RNF182: variants seen among roughly 807,000 people sequenced by gnomAD.
RNF182 encodes the protein E3 ubiquitin-protein ligase RNF182.
Under a neutral mutation model 14.4 loss-of-function variants are expected in RNF182, and 15 were observed. The ratio of observed to expected loss-of-function variants is 1.04; its 90% CI spans 0.70 to 1.60. The LOEUF (loss-of-function observed/expected upper bound fraction) is 1.60. Among genes scored for constraint, RNF182 ranks in the 40% most tolerant of loss-of-function variants. The probability of loss-of-function intolerance (pLI) is 0.00; values close to 1 mark genes in which losing one functional copy is unlikely to be tolerated. For missense variants in RNF182, 268 were observed against 294.8 expected, an observed-to-expected ratio of 0.91 and a Z score of 0.67; for synonymous variants, 128 against 122.9, an observed-to-expected ratio of 1.04 and a Z score of -0.27.
At position 13,977,680 on chromosome 6, in the gene RNF182, G is replaced by C; in HGVS notation, c.561G>C (p.Trp187Cys). ...AGACATCCATCCGGGTGTTAGTGTG[G>C]TTGCTAGGTTTGCTCTACTTCAGCT... ...LFQTSIRVLV[W>C]LLGLLYFSSL... The change falls in exon 3 of 3, where the codon TGG (tryptophan) becomes TGC (cysteine). Residue 187 changes from tryptophan to cysteine, a missense_variant. Transcript: ENST00000488300. 6.2e-7 allele frequency: 1 copy of C among 1,614,160 alleles called. No individual in the cohort carries two copies. The highest frequency in any genetic ancestry group is 8.5e-7 in the Non-Finnish European group (1 of 1,180,010).
chr6:13,977,652 T>TG lies in RNF182; in HGVS notation c.533_534insG (p.Phe178LeufsTer30). 3 of 1,614,222 alleles carry TG rather than the reference T, an allele frequency of 1.9e-6. No homozygotes were observed. The highest frequency in any genetic ancestry group is 1.7e-6 in the Non-Finnish European group (2 of 1,180,026). ...GTGTGGAACTGCACGTCCCTGCTGT[T>TG]TCAGACATCCATCCGGGTGTTAGTG... On this transcript the variant is annotated frameshift_variant, in exon 3 of 3. Transcript: ENST00000488300. LOFTEE classifies it high-confidence loss of function.
intron 1 of RNF182, chr6:13,925,268 A>G (rs1440710273): frequency 6.6e-6 from 1 of 151,088 alleles, no homozygotes; most frequent in Admixed American, 6.6e-5. Flanking sequence ...GCGGCTGCGG[A>G]GCGCCCGCGC....
intron 1 of RNF182, among the ~76,000 whole-genome samples, chr6:13,928,987 G>C (rs561787240): frequency 6.6e-6 from 1 of 152,080 alleles, no homozygotes; most frequent in South Asian, 2.1e-4. Flanking sequence ...GATTACCTGA[G>C]GTCTTTACCT....
intron 1 of RNF182, among the ~76,000 whole-genome samples, chr6:13,946,612 C>T (rs975091427): frequency 6.6e-6 from 1 of 152,104 alleles, no homozygotes; most frequent in Non-Finnish European, 1.5e-5. Context: ...TGTAAATATC[C>T]TATGACTAAA....
chr6:13,946,124 T>C (rs78057130), intron 1 of RNF182, among the ~76,000 whole-genome samples: 1,916 of 142,924 alleles, frequency 0.013, 38 homozygotes, highest in African/African-American at 0.048. Context: ...GAATCTGTAT[T>C]ATCTTTAAAG....
chr6:13,973,205 A>G (rs926847768), intron 1 of RNF182, among the ~76,000 whole-genome samples: 6 of 152,138 alleles, frequency 3.9e-5, no homozygotes, highest in Non-Finnish European at 8.8e-5. Flanking sequence ...GAATGGGTGT[A>G]TTTATCCAAT....
chr6:13,939,227 TGTCA>T (rs1759221521), intron 1 of RNF182, among the ~76,000 whole-genome samples: 1 of 152,244 alleles, frequency 6.6e-6, no homozygotes, highest in Admixed American at 6.5e-5. Context: ...AGTATCATCC[TGTCA>T]GTTTCCACAA....
In RNF182 at chr6:13,977,024, G is replaced by C. The variant is rs1760343952; in HGVS notation, c.-96G>C. On this transcript the variant is annotated 5_prime_UTR_variant, in exon 3 of 3. Coordinates refer to ENST00000488300, the MANE Select transcript of RNF182 (RefSeq NM_152737.4). The stretch of plus-strand genomic sequence containing the variant: ...ACTTATCCTGCCTTTTTGCATCGCT[G>C]CCAGATTTGGATGATATGATATTCA... 1 of 1,331,954 alleles carries C rather than the reference G, an allele frequency of 7.5e-7. No homozygotes were observed. Among genetic ancestry groups the C allele is most frequent in the African/African-American group, 1.5e-5 (1 of 68,064 alleles). The allele number at this position is 1,331,954 out of a possible 1,614,324, so 82.5% of individuals were successfully genotyped here. A position where few individuals can be genotyped will look rare whatever the true frequency, so the allele number is the denominator to read the frequency against.
In RNF182 at chr6:13,977,243, A is replaced by G; in HGVS notation, c.124A>G (p.Arg42Gly). 1 of 1,614,166 alleles carries G rather than the reference A, an allele frequency of 6.2e-7. No individual in the cohort carries two copies. Among genetic ancestry groups the G allele is most frequent in the South Asian group, 1.1e-5 (1 of 91,076 alleles). The change falls in exon 3 of 3, where the codon AGG becomes GGG. Residue 42 changes from arginine (R) to glycine (G), a missense_variant. Physicochemically the swap from Arg to Gly is moderately radical, Grantham distance 125. Transcript: ENST00000488300. ...ACCCAAAGTGCTGGAGTGTTGTCAT[A>G]GGGTTTGTGCCAAATGCCTCTACAA... ...RKPKVLECCH[R>G]VCAKCLYKII...
intron 1 of RNF182, among the ~76,000 whole-genome samples, chr6:13,925,692 T>TAC (rs1389506167): frequency 4.6e-5 from 7 of 152,236 alleles, no homozygotes; most frequent in South Asian, 2.1e-4. Flanking sequence ...GGTCATTGCT[T>TAC]TTGTTTCTAG....
chr6:13,968,269 C>T (rs984496815), intron 1 of RNF182, among the ~76,000 whole-genome samples: 8 of 151,998 alleles, frequency 5.3e-5, no homozygotes, highest in Non-Finnish European at 8.8e-5. Context: ...GATGCAAAGA[C>T]GATAACAGAA....
intron 1 of RNF182, among the ~76,000 whole-genome samples, chr6:13,971,365 T>A (rs1760174369): frequency 1.3e-5 from 2 of 152,212 alleles, no homozygotes; most frequent in South Asian, 4.1e-4. Context: ...TTTCGCCTTC[T>A]GTCATGATTG....
chr6:13,976,767 T>C (rs1760335785), intron 2 of RNF182, 142 bp from the exon 3 acceptor site: 2 of 240,748 alleles, frequency 8.3e-6, no homozygotes, highest in Non-Finnish European at 1.6e-5. Flanking sequence ...GGGACAGAAG[T>C]GTGTGAAAAG....
intron 1 of RNF182, 167 bp downstream of exon 1, chr6:13,925,190 G>A (rs2113567701): frequency 6.7e-6 from 1 of 149,152 alleles, no homozygotes; most frequent in South Asian, 2.1e-4. Flanking sequence ...GCCCGCGCGC[G>A]GAGTCTCCCT....
chr6:13,960,555 G>A (rs867185781), intron 1 of RNF182, among the ~76,000 whole-genome samples: 2 of 152,068 alleles, frequency 1.3e-5, no homozygotes, highest in Non-Finnish European at 2.9e-5. Flanking sequence ...AGTTGAAGAC[G>A]ACTTTTCTGT....
intron 1 of RNF182, among the ~76,000 whole-genome samples, chr6:13,953,875 T>A (rs1156422064): frequency 1.3e-5 from 2 of 152,206 alleles, no homozygotes; most frequent in Non-Finnish European, 2.9e-5. Flanking sequence ...CCAGGGCTTA[T>A]GCTGTACTAA....
intron 1 of RNF182, among the ~76,000 whole-genome samples, chr6:13,945,755 T>G (rs748222187): frequency 6.6e-6 from 1 of 152,244 alleles, no homozygotes; most frequent in Non-Finnish European, 1.5e-5. Context: ...TAATTTCATC[T>G]TGACAGTTTT....
chr6:13,927,620 G>A (rs1758861684), intron 1 of RNF182, among the ~76,000 whole-genome samples: 1 of 152,178 alleles, frequency 6.6e-6, no homozygotes, highest in East Asian at 1.9e-4. Context: ...GTTTAAGTTA[G>A]GATTAACATT....
chr6:13,938,500 G>A (rs1214836782), intron 1 of RNF182, among the ~76,000 whole-genome samples: 2 of 151,924 alleles, frequency 1.3e-5, no homozygotes, highest in Non-Finnish European at 2.9e-5. Flanking sequence ...TGCTTTTTGT[G>A]TCTTCTTTAA....
Sources: gnomAD v4.1 joint callset for allele counts (sites outside exome capture counted in the v4.1 genomes callset) on GRCh38, gnomAD v4.1.1 for gene constraint, MANE v1.5 for transcripts, NCBI Gene and HGNC (gene_info 2026-07-23, HGNC 2026-07-21) for gene names.